The following TSC22D1 variants were observed in gnomAD, a reference collection of about 807,000 sequenced individuals.
TSC22D1 encodes TSC22 domain family member 1.
A neutral mutation model predicts 74.2 loss-of-function variants in TSC22D1; 9 were observed. The ratio of observed to expected loss-of-function variants is 0.12; its 90% confidence interval spans 0.07 to 0.21. TSC22D1 has a LOEUF of 0.21. Ranked by LOEUF, TSC22D1 falls within the 10% of genes least tolerant of loss-of-function variation. The pLI is 1.00. For synonymous variants in TSC22D1, 586 were observed against 492.5 expected (o/e 1.19, Z -2.51); for missense variants, 1,427 against 1,304.7 (o/e 1.09, Z -1.44).
At chr13:44,562,944 A>G (rs1883141246) in intron 1 of TSC22D1, among the ~76,000 whole-genome samples, 1 of 152,048 alleles carries the variant, frequency 6.6e-6, no homozygotes, top group African/African-American at 2.4e-5. Flanking sequence ...CAACTCTACT[A>G]AATACAAAAA....
chr13:44,563,495 T>G (rs1190542726), intron 1 of TSC22D1, among the ~76,000 whole-genome samples: 1 of 152,218 alleles, frequency 6.6e-6, no homozygotes, highest in African/African-American at 2.4e-5. Context: ...TGAACACCAT[T>G]TAGTCAACAA....
chr13:44,520,986 T>A (rs1368990205), intron 1 of TSC22D1, among the ~76,000 whole-genome samples: 1 of 152,114 alleles, frequency 6.6e-6, no homozygotes, highest in Non-Finnish European at 1.5e-5. Flanking sequence ...TGTTTATTAG[T>A]CCCTTTGCAG....
rs1884242321 is a variant in TSC22D1 at position 44,576,288 on chromosome 13, G to A, written c.-214C>T. 3 of 622,382 alleles carry A rather than the reference G, an allele frequency of 4.8e-6. 1 individual carries two copies. Among genetic ancestry groups the A allele is most frequent in the South Asian group, 4.6e-5 (2 of 43,956 alleles). 38.6% of individuals were successfully genotyped at this position (622,382 alleles called of 1,614,324 possible). On this transcript the variant is annotated 5_prime_UTR_variant, in exon 1 of 3. Coordinates refer to ENST00000458659, the MANE Select transcript of TSC22D1 (RefSeq NM_183422.4). Reference sequence around the variant, plus strand: ...GAACGAGGGTGAACAGGGCGGCCGGGGACCCGAAGGGGGGATCCCTTCAGT... The same window carrying A: ...GAACGAGGGTGAACAGGGCGGCCGGAGACCCGAAGGGGGGATCCCTTCAGT...
At chr13:44,536,474 A>G (rs1255014380) in intron 1 of TSC22D1, among the ~76,000 whole-genome samples, 2 of 151,896 alleles carry the variant, frequency 1.3e-5, no homozygotes, top group Non-Finnish European at 3.0e-5. Context: ...TGCTGTCTTG[A>G]TAAGATTTAA....
At chr13:44,439,726 T>A (rs1362869551) in intron 1 of TSC22D1, among the ~76,000 whole-genome samples, 1 of 152,268 alleles carries the variant, frequency 6.6e-6, no homozygotes, top group East Asian at 1.9e-4. Context: ...AGGTATTTTC[T>A]AGTGTTGTCT....
intron 2 of TSC22D1, 172 bp downstream of exon 2, chr13:44,435,872 G>A (rs571989792): frequency 5.7e-6 from 4 of 704,446 alleles, no homozygotes; most frequent in South Asian, 4.9e-5. Context: ...CTCCCTCCAC[G>A]GCTGCCGTGG....
At chr13:44,460,396 T>C (rs989323440) in intron 1 of TSC22D1, among the ~76,000 whole-genome samples, 7 of 152,170 alleles carry the variant, frequency 4.6e-5, no homozygotes, top group African/African-American at 1.7e-4. Context: ...CACAGAATAA[T>C]TATCTGGAGA....
intron 1 of TSC22D1, among the ~76,000 whole-genome samples, chr13:44,448,590 A>G (rs1875872131): frequency 6.6e-6 from 1 of 152,208 alleles, no homozygotes; most frequent in Non-Finnish European, 1.5e-5. Context: ...GTGTGTTTAC[A>G]TAATAAATAC....
chr13:44,469,547 T>C (rs1021828325), intron 1 of TSC22D1, among the ~76,000 whole-genome samples: 3 of 152,158 alleles, frequency 2.0e-5, no homozygotes, highest in African/African-American at 7.2e-5. Flanking sequence ...TCAGAGTTAG[T>C]TTTAGATGTC....
chr13:44,446,826 A>G (rs60695184), intron 1 of TSC22D1, among the ~76,000 whole-genome samples: 6 of 104,328 alleles, frequency 5.8e-5, no homozygotes, highest in Non-Finnish European at 1.3e-4. Context: ...AGGAGGAGGA[A>G]GAAGAGGAGG....
chr13:44,497,041 T>C (rs964874524), intron 1 of TSC22D1, among the ~76,000 whole-genome samples: 19 of 152,058 alleles, frequency 1.2e-4, no homozygotes, highest in African/African-American at 4.6e-4. Context: ...GAATTATGAG[T>C]CACTCTTCCA....
intron 1 of TSC22D1, among the ~76,000 whole-genome samples, chr13:44,547,177 C>T (rs17212119): frequency 0.047 from 7,189 of 152,084 alleles, 221 homozygotes; most frequent in Middle Eastern, 0.11. Context: ...TATGGAATAT[C>T]CACTGAGAAA....
At chr13:44,459,545 G>A (rs745445201) in intron 1 of TSC22D1, among the ~76,000 whole-genome samples, 12 of 152,148 alleles carry the variant, frequency 7.9e-5, no homozygotes, top group Non-Finnish European at 1.3e-4. Flanking sequence ...AGGACCTGCC[G>A]AGTGGTGGGA....
intron 1 of TSC22D1, among the ~76,000 whole-genome samples, chr13:44,457,442 G>C (rs1270160830): frequency 6.6e-6 from 1 of 152,042 alleles, no homozygotes; most frequent in Admixed American, 6.6e-5. Flanking sequence ...AGAAATGAGA[G>C]AATATGTGAT....
At chr13:44,474,922 G>C (rs1158941422) in intron 1 of TSC22D1, among the ~76,000 whole-genome samples, 9 of 152,096 alleles carry the variant, frequency 5.9e-5, no homozygotes, top group Admixed American at 5.9e-4. Flanking sequence ...TGTACTTCCT[G>C]CAATTTATAT....
At chr13:44,534,230 A>AG (rs780630457) in intron 1 of TSC22D1, among the ~76,000 whole-genome samples, 1 of 139,700 alleles carries the variant, frequency 7.2e-6, no homozygotes, top group African/African-American at 2.8e-5. Context: ...TGTCTCAAGG[A>AG]GAAAAAAAAA....
At chr13:44,522,626 A>G (rs1880369223) in intron 1 of TSC22D1, among the ~76,000 whole-genome samples, 1 of 152,232 alleles carries the variant, frequency 6.6e-6, no homozygotes, top group African/African-American at 2.4e-5. Flanking sequence ...CTGGACAACC[A>G]CATGCAAAAG....
At chr13:44,512,959 A>C (rs924736942) in intron 1 of TSC22D1, among the ~76,000 whole-genome samples, 3 of 152,156 alleles carry the variant, frequency 2.0e-5, no homozygotes, top group Non-Finnish European at 2.9e-5. Context: ...CTTCATTCTT[A>C]TCTCTAAAGC....
chr13:44,542,067 AACT>A (rs766551130), intron 1 of TSC22D1, among the ~76,000 whole-genome samples: 73 of 152,148 alleles, frequency 4.8e-4, no homozygotes, highest in Admixed American at 7.9e-4. Flanking sequence ...AGTAAAACTT[AACT>A]ACTTTAAAAT....
Sources: gnomAD v4.1 joint callset for allele counts (sites outside exome capture counted in the v4.1 genomes callset) on GRCh38, gnomAD v4.1.1 for gene constraint, MANE v1.5 for transcripts, NCBI Gene and HGNC (gene_info 2026-07-23, HGNC 2026-07-21) for gene names.